Variants in PDGFRL observed in about 807,000 individuals in gnomAD.
PDGFRL encodes platelet-derived growth factor receptor-like protein.
PDGFRL carries 46 observed loss-of-function variants against 37.2 expected under a neutral mutation model. The ratio of observed to expected loss-of-function variants is 1.24; its 90% confidence interval spans 0.98 to 1.58. The LOEUF (loss-of-function observed/expected upper bound fraction) is 1.58, where lower values mean the gene tolerates loss of function less well. Among genes scored for constraint, PDGFRL ranks in the 40% most tolerant of loss-of-function variants. The pLI is 0.00. For synonymous variants in PDGFRL, 251 were observed against 184.3 expected, an observed-to-expected ratio of 1.36 and a Z score of -2.93; for missense variants, 692 against 467.6, an observed-to-expected ratio of 1.48 and a Z score of -4.43.
At chr8:17,585,494 A>T (rs1169782907) in intron 1 of PDGFRL, among the ~76,000 whole-genome samples, 1 of 152,136 alleles carries the variant, frequency 6.6e-6, no homozygotes, top group Non-Finnish European at 1.5e-5. Flanking sequence ...CCACCTTCTC[A>T]GCTTTGTTCT....
rs537368816 is a variant in PDGFRL at position 17,621,032 on chromosome 8, A to G, written c.354-19A>G. On this transcript the variant is annotated intron_variant, in intron 2 of 5. Transcript: ENST00000251630. ...GCCAGGTCTGACTTGCTTTGAGTTC[A>G]TGTGTCTTTTATTCCTAGCGTCAAG... 1.9e-6 allele frequency: 3 copies of G among 1,575,312 alleles called. No homozygotes were observed. The highest frequency in any genetic ancestry group is 2.3e-5 in the East Asian group (1 of 43,748).
At chr8:17,624,990 TTTATTTA>T (rs1309555427) in intron 3 of PDGFRL, among the ~76,000 whole-genome samples, 1 of 106,470 alleles carries the variant, frequency 9.4e-6, no homozygotes, top group African/African-American at 2.7e-5. Flanking sequence ...TATTTTTATT[TTTATTTA>T]TTATTATTAT....
chr8:17,612,989 A>C (rs1344391960), intron 2 of PDGFRL, among the ~76,000 whole-genome samples: 1 of 152,194 alleles, frequency 6.6e-6, no homozygotes, highest in Non-Finnish European at 1.5e-5. Flanking sequence ...CAAAATATTC[A>C]AACTCTTTCA....
intron 5 of PDGFRL, among the ~76,000 whole-genome samples, chr8:17,638,738 C>CATACATATATAT (rs1805025481): frequency 2.1e-5 from 1 of 47,352 alleles, no homozygotes; most frequent in Non-Finnish European, 4.3e-5. Context: ...GCATTAGGTG[C>CATACATATATAT]ATATATATAT....
At chr8:17,627,378 G>C (rs1356087217) in intron 3 of PDGFRL, among the ~76,000 whole-genome samples, 1 of 152,102 alleles carries the variant, frequency 6.6e-6, no homozygotes, top group Non-Finnish European at 1.5e-5. Flanking sequence ...TACATGAGTG[G>C]ATGTAAATAC....
intron 2 of PDGFRL, among the ~76,000 whole-genome samples, chr8:17,592,106 C>T (rs796415323): frequency 3.9e-5 from 6 of 152,298 alleles, no homozygotes; most frequent in African/African-American, 1.4e-4. Flanking sequence ...CCCACACTCT[C>T]CACATCCCAT....
At position 17,594,122 on chromosome 8, in the gene PDGFRL, TG is replaced by T. The variant is rs201367242; in HGVS notation, c.353+4358del. ...ATATAAATGGAACATGCAGCGTATT[TG>T]TTTTTTTTGTTACTGACGTATTTCC... On this transcript the variant is annotated intron_variant, in intron 2 of 5. Transcript: ENST00000251630. 3.8e-3 allele frequency among the ~76,000 whole-genome samples: 566 copies of T among 149,834 alleles called. 1 individual carries two copies. The highest frequency in any genetic ancestry group is 7.9e-3 in the African/African-American group (327 of 41,240).
chr8:17,635,681 G>A (rs1223584699), intron 5 of PDGFRL, among the ~76,000 whole-genome samples: 1 of 152,174 alleles, frequency 6.6e-6, no homozygotes, highest in African/African-American at 2.4e-5. Context: ...TCTACTTTTA[G>A]TTCTTTAAGG....
intron 2 of PDGFRL, among the ~76,000 whole-genome samples, chr8:17,599,529 G>A (rs1804123125): frequency 6.6e-6 from 1 of 151,986 alleles, no homozygotes; most frequent in African/African-American, 2.4e-5. Context: ...GGAAACTTGC[G>A]ACCCTAAATG....
At chr8:17,589,088 G>C (rs773677668) in intron 1 of PDGFRL, among the ~76,000 whole-genome samples, 3 of 151,772 alleles carry the variant, frequency 2.0e-5, no homozygotes, top group Non-Finnish European at 2.9e-5. Flanking sequence ...TTACCTAAAA[G>C]CTATGAGGGC....
rs1461900881 is a variant in PDGFRL at position 17,626,398 on chromosome 8, C to CA, written c.506-2088dup. Among the ~76,000 whole-genome samples, 3 of 152,154 alleles carry CA rather than the reference C, an allele frequency of 2.0e-5. No homozygotes were observed. In the South Asian group the frequency reaches 6.2e-4, roughly 32 times the overall value. On this transcript the variant is annotated intron_variant, in intron 3 of 5. Coordinates refer to ENST00000251630, the MANE Select transcript of PDGFRL (RefSeq NM_001372073.1). ...TGTAAAAGACGGAGACTCTCTGAGC[C>CA]ATGATATACTCTTCCCTCGTCTTAG...
At chr8:17,584,769 G>A (rs1803780435) in intron 1 of PDGFRL, among the ~76,000 whole-genome samples, 1 of 151,736 alleles carries the variant, frequency 6.6e-6, no homozygotes, top group South Asian at 2.1e-4. Context: ...TACCGGAAAG[G>A]GGTCCTGATC....
chr8:17,603,275 C>A (rs1804204514), intron 2 of PDGFRL, among the ~76,000 whole-genome samples: 1 of 152,180 alleles, frequency 6.6e-6, no homozygotes, highest in Non-Finnish European at 1.5e-5. Context: ...GCATGAGCCA[C>A]CACGCCCAGC....
intron 2 of PDGFRL, among the ~76,000 whole-genome samples, chr8:17,590,755 A>G (rs147059970): frequency 1.4e-3 from 208 of 152,188 alleles, no homozygotes; most frequent in Middle Eastern, 0.01. Context: ...AATGGACTCA[A>G]TGTTTTATGT....
chr8:17,609,781 C>G (rs1420698571), intron 2 of PDGFRL, among the ~76,000 whole-genome samples: 2 of 151,866 alleles, frequency 1.3e-5, no homozygotes, highest in Non-Finnish European at 2.9e-5. Flanking sequence ...TAGATTGAGC[C>G]ACAGAGCCTA....
chr8:17,637,142 A>G (rs1050431613), intron 5 of PDGFRL, among the ~76,000 whole-genome samples: 19 of 152,176 alleles, frequency 1.2e-4, no homozygotes, highest in Non-Finnish European at 2.6e-4. Flanking sequence ...GAGGACTTCC[A>G]GTACTATGTT....
At chr8:17,590,083 T>C (rs988901502) in intron 2 of PDGFRL, among the ~76,000 whole-genome samples, 5 of 150,626 alleles carry the variant, frequency 3.3e-5, no homozygotes, top group African/African-American at 1.2e-4. Flanking sequence ...TACAGAAAAT[T>C]AGCTGGGCGT....
At chr8:17,607,807 A>G (rs535535112) in intron 2 of PDGFRL, among the ~76,000 whole-genome samples, 14 of 152,374 alleles carry the variant, frequency 9.2e-5, no homozygotes, top group African/African-American at 3.4e-4. Context: ...AAGATATGTC[A>G]AAGGAGGGAG....
upstream of PDGFRL, chr8:17,577,208 G>C: frequency 6.3e-7 from 1 of 1,585,274 alleles, no homozygotes; most frequent in Non-Finnish European, 8.6e-7. Context: ...TCCCCGCCCC[G>C]CGCAGCCGCC....
Sources: gnomAD v4.1 joint callset for allele counts (sites outside exome capture counted in the v4.1 genomes callset) on GRCh38, gnomAD v4.1.1 for gene constraint, MANE v1.5 for transcripts, NCBI Gene and HGNC (gene_info 2026-07-23, HGNC 2026-07-21) for gene names.